Variants in FAM135B observed in about 807,000 individuals in gnomAD.
FAM135B encodes the protein protein FAM135B.
A neutral mutation model predicts 127.7 loss-of-function variants in FAM135B; 43 were observed. The observed-to-expected ratio is 0.34, with a 90% CI of 0.26 to 0.43. FAM135B has a LOEUF of 0.43. Ranked by LOEUF, FAM135B falls within the 20% of genes least tolerant of loss-of-function variation. The pLI, the probability that FAM135B is intolerant of heterozygous loss-of-function variation, is 1.00. For missense variants in FAM135B, 1,558 were observed against 1,725.6 expected, an observed-to-expected ratio of 0.90 and a Z score of 1.72; for synonymous variants, 670 against 665.1, an observed-to-expected ratio of 1.01 and a Z score of -0.11.
In FAM135B at chr8:138,243,054, C is replaced by T. The variant is rs1458780221; in HGVS notation, c.557G>A (p.Gly186Glu). Residue 186 changes from glycine to glutamate, a missense_variant, in exon 7 of 20, where the codon GGA becomes GAA. By Grantham distance (98) the Gly-to-Glu change is moderately conservative. Transcript: ENST00000395297. This position sits in a 1 kb window ranked among gnomAD's most constrained non-coding sequence, Gnocchi z 7.5. ...ACCTTTACCAAGCCAGGAGCCTCTT[C>T]CTGGACGAGTAAAACTAAACAAAAG... ...QQPLISFTRP[G>E]RGSWLGKGGP... 1.2e-6 allele frequency: 2 copies of T among 1,609,476 alleles called. No individual in the cohort carries two copies. The highest frequency in any genetic ancestry group is 2.2e-5 in the East Asian group (1 of 44,800).
intron 4 of FAM135B, among the ~76,000 whole-genome samples, chr8:138,264,708 G>C (rs1048855203): frequency 2.0e-5 from 3 of 152,080 alleles, no homozygotes; most frequent in Non-Finnish European, 2.9e-5. Flanking sequence ...AAGGAATAAA[G>C]AATGAGTGAC....
At chr8:138,466,232 C>G (rs1837374570) in intron 1 of FAM135B, among the ~76,000 whole-genome samples, 1 of 152,014 alleles carries the variant, frequency 6.6e-6, no homozygotes, top group Non-Finnish European at 1.5e-5. Context: ...CAGACTGGAC[C>G]CTGCTCTTGA....
Position 138,194,074 on chromosome 8 carries a change from A to G in FAM135B, c.873+1184T>C, listed in dbSNP as rs138783522. Among the ~76,000 whole-genome samples, 220 of 152,276 alleles carry G rather than the reference A, an allele frequency of 1.4e-3. 1 individual carries two copies. Among genetic ancestry groups the G allele is most frequent in the African/African-American group, 5.0e-3 (207 of 41,550 alleles). On this transcript the variant is annotated intron_variant, in intron 9 of 19. Transcript: ENST00000395297. ...CAGAGTCGGAGCATATGAGCCCCCA[A>G]GTGTGGACATTAGGCCTTTGACTCG...
At chr8:138,139,691 G>C (rs1477872768) in intron 17 of FAM135B, among the ~76,000 whole-genome samples, 5 of 152,168 alleles carry the variant, frequency 3.3e-5, no homozygotes, top group Non-Finnish European at 7.4e-5. Context: ...GCTTGAACCT[G>C]GGAGGCAGAG....
At chr8:138,376,742 T>C (rs927010045) in intron 1 of FAM135B, among the ~76,000 whole-genome samples, 1 of 152,168 alleles carries the variant, frequency 6.6e-6, no homozygotes, top group African/African-American at 2.4e-5. Flanking sequence ...GATAATCACA[T>C]ATATAAAGAG....
chr8:138,366,974 C>G (rs552705179), intron 2 of FAM135B, among the ~76,000 whole-genome samples: 1 of 152,118 alleles, frequency 6.6e-6, no homozygotes, highest in Non-Finnish European at 1.5e-5. Context: ...ACCACAACAG[C>G]CCAGCTGGGA....
intron 1 of FAM135B, among the ~76,000 whole-genome samples, chr8:138,483,866 T>G (rs917083825): frequency 2.0e-5 from 3 of 152,214 alleles, no homozygotes; most frequent in African/African-American, 7.2e-5. Flanking sequence ...GTATACACTA[T>G]ACGTTACATT....
At chr8:138,310,429 C>T (rs145569592) in intron 3 of FAM135B, among the ~76,000 whole-genome samples, 645 of 152,204 alleles carry the variant, frequency 4.2e-3, no homozygotes, top group Non-Finnish European at 5.3e-3. Flanking sequence ...TGCTCTTGGA[C>T]CCCTCAAGGT....
chr8:138,155,575 G>C (rs1818649484), intron 12 of FAM135B, among the ~76,000 whole-genome samples: 1 of 152,068 alleles, frequency 6.6e-6, no homozygotes, highest in East Asian at 1.9e-4. Flanking sequence ...GACACACATA[G>C]GCTCAAAATA....
Position 138,458,188 on chromosome 8 carries a change from C to T in FAM135B, c.-20+38483G>A, listed in dbSNP as rs190154447. Among the ~76,000 whole-genome samples, 245 of 152,178 alleles carry T rather than the reference C, an allele frequency of 1.6e-3. 1 individual carries two copies. The highest frequency in any genetic ancestry group is 2.6e-3 in the Non-Finnish European group (179 of 67,990). ...TAAACAAAGCATACATTCTTATGAG[C>T]ATATAGTAGCATACTTACATATTTC... On this transcript the variant is annotated intron_variant, in intron 1 of 19. Transcript: ENST00000395297.
At chr8:138,398,844 A>G (rs1447388876) in intron 1 of FAM135B, among the ~76,000 whole-genome samples, 2 of 152,198 alleles carry the variant, frequency 1.3e-5, no homozygotes, top group African/African-American at 4.8e-5. Context: ...CCTCAACCTT[A>G]CCTGCCCCTT....
intron 12 of FAM135B, among the ~76,000 whole-genome samples, chr8:138,163,842 A>G (rs972147651): frequency 1.2e-4 from 19 of 152,204 alleles, no homozygotes; most frequent in Non-Finnish European, 2.4e-4. Context: ...TTCCTTTTAG[A>G]GACAGGGTCT....
rs190923686 is a variant in FAM135B, at chr8:138,141,879, C to G, written c.3639-530G>C. Among the ~76,000 whole-genome samples the G allele has an allele frequency of 7.8e-4, 119 of 152,268 alleles. No homozygotes were observed. Among genetic ancestry groups the G allele is most frequent in the African/African-American group, 2.4e-3 (100 of 41,554 alleles). On this transcript the variant is annotated intron_variant, in intron 16 of 19. Transcript: ENST00000395297. This position sits in a 1 kb window ranked among gnomAD's most constrained non-coding sequence, Gnocchi z 4.7. The stretch of plus-strand genomic sequence containing the variant: ...AGCCATACTGCTACTCACAGGCCCA[C>G]GTGTTCAATGAATCATTATTCTCAA...
At chr8:138,470,101 C>T (rs1443236589) in intron 1 of FAM135B, among the ~76,000 whole-genome samples, 2 of 152,124 alleles carry the variant, frequency 1.3e-5, no homozygotes, top group Non-Finnish European at 2.9e-5. Context: ...AGGAAAACTG[C>T]TTTGAAAGGT....
At chr8:138,166,494 G>T (rs1161354943) in intron 12 of FAM135B, among the ~76,000 whole-genome samples, 1 of 152,110 alleles carries the variant, frequency 6.6e-6, no homozygotes, top group Non-Finnish European at 1.5e-5. Flanking sequence ...TCCATATACG[G>T]TAAGTCCTCA....
intron 2 of FAM135B, among the ~76,000 whole-genome samples, chr8:138,312,186 C>A (rs1459777960): frequency 6.6e-6 from 1 of 152,102 alleles, no homozygotes; most frequent in Non-Finnish European, 1.5e-5. Context: ...ACCTCATGAT[C>A]CACCTGCCTC....
chr8:138,201,471 C>G (rs572681708), intron 7 of FAM135B, among the ~76,000 whole-genome samples: 82 of 152,096 alleles, frequency 5.4e-4, no homozygotes, highest in African/African-American at 2.0e-3. Flanking sequence ...GTATTATAAA[C>G]TAAACAAAAC....
intron 7 of FAM135B, among the ~76,000 whole-genome samples, chr8:138,235,492 T>C (rs1031215304): frequency 1.3e-5 from 2 of 152,166 alleles, no homozygotes; most frequent in African/African-American, 4.8e-5. Context: ...TACATCCTCA[T>C]GAAAAGAATA....
intron 7 of FAM135B, among the ~76,000 whole-genome samples, chr8:138,199,654 C>G (rs1287160929): frequency 6.6e-6 from 1 of 152,190 alleles, no homozygotes; most frequent in Non-Finnish European, 1.5e-5. Context: ...TTAATTGACT[C>G]ACAGGTCTCC....
Sources: gnomAD v4.1 joint callset for allele counts (sites outside exome capture counted in the v4.1 genomes callset) on GRCh38, gnomAD v4.1.1 for gene constraint, Gnocchi (gnomAD v3.1) non-coding constraint, MANE v1.5 for transcripts, NCBI Gene and HGNC (gene_info 2026-07-23, HGNC 2026-07-21) for gene names.